B3GALT1: variants seen among roughly 807,000 people sequenced by gnomAD.
The protein encoded by B3GALT1 is UDP-Gal:betaGlcNAc beta 1,3-galactosyltransferase, polypeptide 1.
Under a neutral mutation model 23.2 loss-of-function variants are expected in B3GALT1, and 10 were observed. That is an observed-to-expected ratio of 0.43 (90% confidence interval 0.27 to 0.73). The LOEUF (loss-of-function observed/expected upper bound fraction) is 0.73. B3GALT1 is among the 30% of genes least tolerant of loss of function. The probability of loss-of-function intolerance (pLI) is 0.21; values close to 1 mark genes in which losing one functional copy is unlikely to be tolerated. For synonymous variants in B3GALT1, 156 were observed against 141.5 expected (o/e 1.10, Z -0.73); for missense variants, 299 against 405.4 (o/e 0.74, Z 2.25).
Position 167,693,018 on chromosome 2 carries a change from A to G in B3GALT1, c.-352+46052A>G, listed in dbSNP as rs570498785. Among the ~76,000 whole-genome samples, 11 of 152,022 alleles carry G rather than the reference A, an allele frequency of 7.2e-5. 1 individual carries two copies. The highest frequency in any genetic ancestry group is 2.2e-4 in the African/African-American group (9 of 41,468). On this transcript the variant is annotated intron_variant, in intron 3 of 4. Coordinates refer to ENST00000392690, the MANE Select transcript of B3GALT1 (RefSeq NM_020981.4). ...AGCTGACAGCATTATAAGTAAAATT[A>G]TAGCCCTTGAGGAAGCAAGAGCAAC... is the stretch of plus-strand genomic sequence containing the variant.
intron 1 of B3GALT1, among the ~76,000 whole-genome samples, chr2:167,335,226 AAAAC>A (rs143888362): frequency 0.016 from 2,482 of 152,174 alleles, 53 homozygotes; most frequent in East Asian, 0.081. Context: ...AGCGGAATAA[AAAAC>A]AGTAGTAGTA....
intron 3 of B3GALT1, among the ~76,000 whole-genome samples, chr2:167,788,079 A>G (rs1688372422): frequency 6.6e-6 from 1 of 152,074 alleles, no homozygotes; most frequent in Non-Finnish European, 1.5e-5. Context: ...TGGAGAGGAG[A>G]AGAGAAAAGT....
At chr2:167,615,937 A>C (rs1685153423) in intron 2 of B3GALT1, among the ~76,000 whole-genome samples, 1 of 152,088 alleles carries the variant, frequency 6.6e-6, no homozygotes, top group Non-Finnish European at 1.5e-5. Flanking sequence ...ATTTGAACCC[A>C]GCACACAGGT....
chr2:167,845,488 G>A (rs1483942303), intron 4 of B3GALT1, among the ~76,000 whole-genome samples: 1 of 152,176 alleles, frequency 6.6e-6, no homozygotes, highest in African/African-American at 2.4e-5. Flanking sequence ...GCTAGACCCA[G>A]AAGAGAGACA....
chr2:167,769,046 C>A (rs1473592695), intron 3 of B3GALT1, among the ~76,000 whole-genome samples: 2 of 152,112 alleles, frequency 1.3e-5, no homozygotes, highest in African/African-American at 4.8e-5. Flanking sequence ...AGAAATTTTT[C>A]TATTGAATCT....
At chr2:167,426,032 T>A (rs1698617594) in intron 1 of B3GALT1, among the ~76,000 whole-genome samples, 1 of 152,120 alleles carries the variant, frequency 6.6e-6, no homozygotes, top group African/African-American at 2.4e-5. Context: ...AATCCAAGGA[T>A]TATTTGTTAT....
At chr2:167,542,712 C>T (rs1683552902) in intron 2 of B3GALT1, among the ~76,000 whole-genome samples, 1 of 151,890 alleles carries the variant, frequency 6.6e-6, no homozygotes, top group Non-Finnish European at 1.5e-5. Flanking sequence ...TCTGCTTCTC[C>T]TATCTTGTTT....
At chr2:167,708,752 T>C (rs1687006619) in intron 3 of B3GALT1, among the ~76,000 whole-genome samples, 1 of 152,220 alleles carries the variant, frequency 6.6e-6, no homozygotes. Context: ...GGCTCAGCTC[T>C]AGCTCTCCCA....
At chr2:167,537,735 A>G (rs1328612586) in intron 2 of B3GALT1, among the ~76,000 whole-genome samples, 1 of 151,534 alleles carries the variant, frequency 6.6e-6, no homozygotes, top group East Asian at 1.9e-4. Context: ...TTCTGCTCCT[A>G]CTGGTGGCTC....
chr2:167,693,225 C>T (rs1304066749), intron 3 of B3GALT1, among the ~76,000 whole-genome samples: 1 of 151,490 alleles, frequency 6.6e-6, no homozygotes, highest in Non-Finnish European at 1.5e-5. Context: ...TTTTGAAGAG[C>T]CACACTTGAA....
intron 2 of B3GALT1, among the ~76,000 whole-genome samples, chr2:167,594,972 A>G (rs151220530): frequency 3.0e-4 from 45 of 152,256 alleles, no homozygotes; most frequent in African/African-American, 1.0e-3. Context: ...CTTGTTCTGA[A>G]CTTCATTTAA....
chr2:167,437,776 C>T (rs1046018465), intron 1 of B3GALT1, among the ~76,000 whole-genome samples: 1 of 152,146 alleles, frequency 6.6e-6, no homozygotes, highest in East Asian at 1.9e-4. Context: ...CTCAGCCATT[C>T]CTTCTTTAAG....
At chr2:167,418,427 G>A (rs1355650616) in intron 1 of B3GALT1, among the ~76,000 whole-genome samples, 5 of 151,412 alleles carry the variant, frequency 3.3e-5, no homozygotes, top group African/African-American at 9.7e-5. Context: ...AAAAAAAAAA[G>A]AGCTCATGTT....
At chr2:167,606,819 A>G (rs528510302) in intron 2 of B3GALT1, among the ~76,000 whole-genome samples, 1 of 152,336 alleles carries the variant, frequency 6.6e-6, no homozygotes, top group Non-Finnish European at 1.5e-5. Flanking sequence ...CTTTACAGGT[A>G]AATTTTGCCA....
chr2:167,482,947 C>T (rs1699580700), intron 1 of B3GALT1, among the ~76,000 whole-genome samples: 1 of 152,184 alleles, frequency 6.6e-6, no homozygotes, highest in African/African-American at 2.4e-5. Context: ...GGAGCCTCTG[C>T]ACAGTATCGT....
intron 3 of B3GALT1, among the ~76,000 whole-genome samples, chr2:167,670,252 G>A (rs115101326): frequency 0.017 from 2,512 of 152,208 alleles, 65 homozygotes; most frequent in African/African-American, 0.057. Flanking sequence ...ATAAACAGGA[G>A]GCTATCAGCC....
chr2:167,384,119 G>A (rs539452563), intron 1 of B3GALT1, among the ~76,000 whole-genome samples: 1 of 152,258 alleles, frequency 6.6e-6, no homozygotes, highest in African/African-American at 2.4e-5. Flanking sequence ...AAATAGTAGC[G>A]AAAAACCGTG....
chr2:167,567,141 T>C (rs1262222707), intron 2 of B3GALT1, among the ~76,000 whole-genome samples: 1 of 151,910 alleles, frequency 6.6e-6, no homozygotes, highest in East Asian at 1.9e-4. Flanking sequence ...TCTTCTCTCC[T>C]TCTCTTTTTC....
At chr2:167,830,992 G>A (rs1689340572) in intron 4 of B3GALT1, among the ~76,000 whole-genome samples, 1 of 152,176 alleles carries the variant, frequency 6.6e-6, no homozygotes, top group Admixed American at 6.5e-5. Flanking sequence ...GGATTCTGGC[G>A]ATAATCATAG....
Sources: gnomAD v4.1 joint callset for allele counts (sites outside exome capture counted in the v4.1 genomes callset) on GRCh38, gnomAD v4.1.1 for gene constraint, MANE v1.5 for transcripts, NCBI Gene and HGNC (gene_info 2026-07-23, HGNC 2026-07-21) for gene names.